SPDYE5: variants seen among roughly 807,000 people sequenced by gnomAD.
SPDYE5 encodes the protein speedy/RINGO cell cycle regulator family member E5.
SPDYE5 carries 15 observed loss-of-function variants against 48.5 expected under a neutral mutation model. The observed-to-expected ratio is 0.31, with a 90% CI of 0.21 to 0.48. The LOEUF is 0.48. SPDYE5 is among the 20% of genes least tolerant of loss of function. SPDYE5 has a pLI of 0.99. For synonymous variants in SPDYE5, 116 were observed against 200.7 expected (o/e 0.58, Z 3.57); for missense variants, 331 against 549.1 (o/e 0.60, Z 3.97).
intron 8 of SPDYE5, among the ~76,000 whole-genome samples, chr7:75,502,441 T>C (rs1554483732): frequency 6.6e-6 from 1 of 152,182 alleles, no homozygotes; most frequent in African/African-American, 2.4e-5. Context: ...GCTTCTGGAC[T>C]CGTGGTTCGT....
chr7:75,496,030 AAAAAG>A (rs1275247453), intron 3 of SPDYE5, among the ~76,000 whole-genome samples: 1 of 150,582 alleles, frequency 6.6e-6, no homozygotes, highest in Non-Finnish European at 1.5e-5. Flanking sequence ...AAAAAAAAAA[AAAAAG>A]AAGGAAGGAA....
Position 75,503,494 on chromosome 7 carries a change from T to A in SPDYE5, c.*707T>A, listed in dbSNP as rs4092154. 6.5e-6 allele frequency: 1 copy of A among 153,490 alleles called. No individual in the cohort carries two copies. Among genetic ancestry groups the A allele is most frequent in the Non-Finnish European group, 1.4e-5 (1 of 69,146 alleles). The allele number at this position is 153,490 out of a possible 1,614,324, so 9.5% of individuals were successfully genotyped here. On this transcript the variant is annotated 3_prime_UTR_variant, in exon 9 of 9. Coordinates refer to ENST00000625065, the MANE Select transcript of SPDYE5 (RefSeq NM_001306141.4). ...ATATTTTATTATCTTTAAATTTCTT[T>A]CTGTATTATTATATGTGCTCCTGAA...
rs1793165925 is a variant in SPDYE5 at position 75,501,722 on chromosome 7, C to T, written c.1116C>T (p.Gly372=). ...TCCAGTTCTTCTGTTCCATGAGCGG[C>T]AGGGCTTGGGTTTCCCCGGAGGAGT... ...RRFQFFCSMS[G]RAWVSPEELE... is the part of the protein sequence containing the mutation. Residue 372 remains glycine, a synonymous_variant, in exon 7 of 9, where the codon GGC becomes GGT. Transcript: ENST00000625065. 6.8e-6 allele frequency: 11 copies of T among 1,613,074 alleles called. No homozygotes were observed. Among genetic ancestry groups the T allele is most frequent in the Non-Finnish European group, 9.3e-6 (11 of 1,180,024 alleles).
chr7:75,491,753 C>T (rs1397792800), upstream of SPDYE5, among the ~76,000 whole-genome samples: 16 of 137,848 alleles, frequency 1.2e-4, no homozygotes, highest in Admixed American at 9.9e-4. Flanking sequence ...CGCTCTGTCA[C>T]CCAGGCTGGA....
rs782595181 is a variant in SPDYE5, at chr7:75,501,691, G to A, written c.1085G>A (p.Arg362His). The change falls in exon 7 of 9, where the codon CGT (arginine) becomes CAT (histidine). Residue 362 changes from arginine (R) to histidine (H), a missense_variant. This residue lies in a region of SPDYE5 where 101 missense variants were observed against 104.0 expected (regional missense o/e 0.97). Transcript: ENST00000625065. ...TCTCAGATAGTCCTGTTCCAGAAACGTCGGTTCCAGTTCTTCTGTTCCATG... is the reference window on the plus strand; with the variant it reads ...TCTCAGATAGTCCTGTTCCAGAAACATCGGTTCCAGTTCTTCTGTTCCATG... Reference protein sequence around the residue: ...NRSQIVLFQKRRFQFFCSMSG... With the variant: ...NRSQIVLFQKHRFQFFCSMSG... The A allele has an allele frequency of 2.0e-5, 32 of 1,613,074 alleles. No individual in the cohort carries two copies. Among genetic ancestry groups the A allele is most frequent in the East Asian group, 1.6e-4 (7 of 44,870 alleles).
intron 6 of SPDYE5, among the ~76,000 whole-genome samples, chr7:75,500,647 C>A (rs1270370164): frequency 1.3e-5 from 2 of 151,780 alleles, no homozygotes; most frequent in East Asian, 3.9e-4. Context: ...GATCCTCCCA[C>A]CTCAGCTTCT....
intron 8 of SPDYE5, among the ~76,000 whole-genome samples, chr7:75,502,503 A>G (rs1415993309): frequency 3.3e-5 from 5 of 152,166 alleles, no homozygotes; most frequent in Non-Finnish European, 7.3e-5. Flanking sequence ...CTGGATCTTA[A>G]GAGACACAAA....
Position 75,502,393 on chromosome 7 carries a change from A to G in SPDYE5, c.*45+411A>G, listed in dbSNP as rs587753966. On this transcript the variant is annotated intron_variant, in intron 8 of 8. Transcript: ENST00000625065. Reference sequence around the variant, plus strand: ...CAGCTAACCACGGTGAGCACAGAGCATAAGACTTCATCATGAGGAGGTAGG... The same window carrying G: ...CAGCTAACCACGGTGAGCACAGAGCGTAAGACTTCATCATGAGGAGGTAGG... Among the ~76,000 whole-genome samples the G allele has an allele frequency of 6.6e-5, 10 of 152,292 alleles. 1 individual carries two copies. The South Asian group carries it at 2.1e-3, about 32-fold the overall frequency.
Position 75,501,526 on chromosome 7 carries a change from C to G in SPDYE5, c.920C>G (p.Pro307Arg). 6.6e-7 allele frequency: 1 copy of G among 1,508,348 alleles called. No individual in the cohort carries two copies. The highest frequency in any genetic ancestry group is 1.4e-5 in the African/African-American group (1 of 70,660). 93.4% of individuals were successfully genotyped at this position (1,508,348 alleles called of 1,614,324 possible). The change falls in exon 7 of 9, where the codon CCC becomes CGC. Residue 307 changes from proline (P) to arginine (R), a missense_variant. Pro to Arg is a moderately radical substitution (Grantham distance 103). Around this residue, in one of 8 missense-constraint regions of SPDYE5, gnomAD observed 70 missense variants for 87.6 expected, o/e 0.80. Transcript: ENST00000625065. ...GCCAGGAAGAAGCGCTCTCGCATACCCTTGCTCCGTAAGCGTCGGTTCCAG... is the reference window on the plus strand; with the variant it reads ...GCCAGGAAGAAGCGCTCTCGCATACGCTTGCTCCGTAAGCGTCGGTTCCAG... ...PRARKKRSRI[P>R]LLRKRRFQLG...
intron 6 of SPDYE5, 27 bp from the exon 7 acceptor site, chr7:75,501,335 G>A: frequency 6.2e-7 from 1 of 1,611,980 alleles, no homozygotes; most frequent in Non-Finnish European, 8.5e-7. Context: ...TGGTGCCCCT[G>A]AGCAGCAACC....
At chr7:75,499,823 A>C (rs1793078860) in intron 6 of SPDYE5, among the ~76,000 whole-genome samples, 1 of 135,564 alleles carries the variant, frequency 7.4e-6, no homozygotes, top group Admixed American at 7.5e-5. Flanking sequence ...ATGCCAGTGT[A>C]CAAATAAAAG....
rs1554483839 is a variant in SPDYE5, at chr7:75,503,070, G to C, written c.*283G>C. 3 of 513,730 alleles carry C rather than the reference G, an allele frequency of 5.8e-6. No homozygotes were observed. Among genetic ancestry groups the C allele is most frequent in the African/African-American group, 5.8e-5 (3 of 51,998 alleles). The allele number at this position is 513,730 out of a possible 1,614,324, so 31.8% of individuals were successfully genotyped here. On this transcript the variant is annotated 3_prime_UTR_variant, in exon 9 of 9. Coordinates refer to ENST00000625065, the MANE Select transcript of SPDYE5 (RefSeq NM_001306141.4). The stretch of plus-strand genomic sequence containing the variant: ...AAGTAAGAAACCAGGAGTGTTTCCA[G>C]TTCCACCCTTTCCTGCAGCACCACC...
chr7:75,500,625 C>T (rs1191777696), intron 6 of SPDYE5, among the ~76,000 whole-genome samples: 3 of 151,396 alleles, frequency 2.0e-5, no homozygotes, highest in Non-Finnish European at 4.4e-5. Context: ...CCTCCATATC[C>T]TGGGCTCAAG....
chr7:75,501,739 C>T lies in SPDYE5; in HGVS notation c.1133C>T (p.Pro378Leu), dbSNP rs369110537. 4.9e-5 allele frequency: 70 copies of T among 1,419,566 alleles called. No individual in the cohort carries two copies. The highest frequency in any genetic ancestry group is 2.0e-4 in the East Asian group (6 of 30,688). 87.9% of individuals were successfully genotyped at this position (1,419,566 alleles called of 1,614,324 possible). A position where few individuals can be genotyped will look rare whatever the true frequency, so the allele number is the denominator to read the frequency against. The change falls in exon 7 of 9, where the codon CCG becomes CTG. Residue 378 changes from proline to leucine, a missense_variant. Physicochemically the swap from Pro to Leu is moderately conservative, Grantham distance 98 (BLOSUM62 -3). This residue lies in a region of SPDYE5 where 101 missense variants were observed against 104.0 expected (regional missense o/e 0.97). Transcript: ENST00000625065. ...ATGAGCGGCAGGGCTTGGGTTTCCC[C>T]GGAGGAGTTGGAGGAGGTAGGTGGG... ...CSMSGRAWVSPEELEEIQAYD... is the reference protein window; with the variant it reads ...CSMSGRAWVSLEELEEIQAYD...
Position 75,501,715 on chromosome 7 carries a change from T to C in SPDYE5, c.1109T>C (p.Met370Thr), listed in dbSNP as rs782361391. 1.9e-6 allele frequency: 3 copies of C among 1,611,408 alleles called. No individual in the cohort carries two copies. Among genetic ancestry groups the C allele is most frequent in the South Asian group, 2.2e-5 (2 of 90,988 alleles). ...CGTCGGTTCCAGTTCTTCTGTTCCATGAGCGGCAGGGCTTGGGTTTCCCCG... is the reference window on the plus strand; with the variant it reads ...CGTCGGTTCCAGTTCTTCTGTTCCACGAGCGGCAGGGCTTGGGTTTCCCCG... ...QKRRFQFFCS[M>T]SGRAWVSPEE... The change falls in exon 7 of 9, where the codon ATG becomes ACG. Residue 370 changes from methionine to threonine, a missense_variant. Physicochemically the swap from Met to Thr is moderately conservative, Grantham distance 81 (BLOSUM62 -1). Coordinates refer to ENST00000625065, the MANE Select transcript of SPDYE5 (RefSeq NM_001306141.4).
intron 6 of SPDYE5, among the ~76,000 whole-genome samples, chr7:75,501,157 T>A (rs587690733): frequency 6.6e-6 from 1 of 152,254 alleles, no homozygotes; most frequent in East Asian, 1.9e-4. Flanking sequence ...CAGTTGGGTT[T>A]TTGTCTCCAT....
intron 1 of SPDYE5, among the ~76,000 whole-genome samples, chr7:75,492,884 C>T (rs1792787698): frequency 6.6e-6 from 1 of 152,190 alleles, no homozygotes; most frequent in Non-Finnish European, 1.5e-5. Flanking sequence ...CAGCTTCTAA[C>T]TCCTGGGCTC....
At chr7:75,498,322 C>T (rs1354433010) in intron 5 of SPDYE5, among the ~76,000 whole-genome samples, 2 of 151,830 alleles carry the variant, frequency 1.3e-5, no homozygotes, top group Non-Finnish European at 2.9e-5. Flanking sequence ...CGGGGTTTTG[C>T]CATGTTGGCC....
At chr7:75,502,654 C>A (rs1435888299) in intron 8 of SPDYE5, among the ~76,000 whole-genome samples, 179 bp from the exon 9 acceptor site, 2 of 151,074 alleles carry the variant, frequency 1.3e-5, no homozygotes, top group Non-Finnish European at 2.9e-5. Context: ...GAGTCGTCAC[C>A]AAAGTGTGAG....
Sources: gnomAD v4.1 joint callset for allele counts (sites outside exome capture counted in the v4.1 genomes callset) on GRCh38, gnomAD v4.1.1 for gene constraint, gnomAD v4.1.1 regional missense constraint, MANE v1.5 for transcripts, NCBI Gene and HGNC (gene_info 2026-07-23, HGNC 2026-07-21) for gene names.